The following CAP2 variants were observed in gnomAD, a reference collection of about 807,000 sequenced individuals.
CAP2 encodes adenylyl cyclase-associated protein 2.
In CAP2, 24 loss-of-function variants were observed where a neutral mutation model predicts 57.7. The observed-to-expected ratio is 0.42, with a 90% CI of 0.30 to 0.58. The LOEUF (loss-of-function observed/expected upper bound fraction) is 0.58, where lower values mean the gene tolerates loss of function less well. Ranked by LOEUF, CAP2 falls within the 20% of genes least tolerant of loss-of-function variation. CAP2 has a pLI of 0.22. For missense variants in CAP2, 501 were observed against 590.3 expected, an observed-to-expected ratio of 0.85 and a Z score of 1.57; for synonymous variants, 194 against 207.2, an observed-to-expected ratio of 0.94 and a Z score of 0.55.
chr6:17,445,754 G>C (rs1561786434), intron 3 of CAP2, among the ~76,000 whole-genome samples: 1 of 152,130 alleles, frequency 6.6e-6, no homozygotes, highest in Non-Finnish European at 1.5e-5. Context: ...TCTCCCCAAA[G>C]CTCATTTGTA....
intron 4 of CAP2, among the ~76,000 whole-genome samples, chr6:17,494,702 G>T (rs1761623082): frequency 6.6e-6 from 1 of 152,072 alleles, no homozygotes; most frequent in Non-Finnish European, 1.5e-5. Flanking sequence ...AATTTTATGT[G>T]TCGACTTGGC....
At chr6:17,483,293 G>A (rs1448799275) in intron 4 of CAP2, among the ~76,000 whole-genome samples, 2 of 152,150 alleles carry the variant, frequency 1.3e-5, no homozygotes, top group Non-Finnish European at 2.9e-5. Context: ...TCCCAAAAGT[G>A]CAGGGTACAT....
At chr6:17,399,003 T>C (rs1758741850) in intron 1 of CAP2, among the ~76,000 whole-genome samples, 1 of 152,190 alleles carries the variant, frequency 6.6e-6, no homozygotes, top group Non-Finnish European at 1.5e-5. Flanking sequence ...CCATTCTACT[T>C]TCTGTCCCTG....
At chr6:17,510,620 G>A (rs1762121080) in intron 6 of CAP2, among the ~76,000 whole-genome samples, 2 of 152,224 alleles carry the variant, frequency 1.3e-5, no homozygotes, top group South Asian at 4.1e-4. Context: ...GAACTGTGCG[G>A]CACGCATGAG....
chr6:17,440,285 T>G (rs1211258936), intron 3 of CAP2, among the ~76,000 whole-genome samples: 1 of 151,542 alleles, frequency 6.6e-6, no homozygotes, highest in African/African-American at 2.4e-5. Flanking sequence ...GTAAATGGGC[T>G]AATTTTGTCT....
chr6:17,503,207 TC>T (rs1002827332), intron 4 of CAP2, among the ~76,000 whole-genome samples: 6 of 152,090 alleles, frequency 3.9e-5, no homozygotes, highest in African/African-American at 1.4e-4. Context: ...CAACAGAAAT[TC>T]CTCACAGTTC....
chr6:17,426,746 T>C, intron 3 of CAP2, 56 bp downstream of exon 3: 1 of 1,144,174 alleles, frequency 8.7e-7, no homozygotes, highest in Non-Finnish European at 1.3e-6. Context: ...CAGCCCAGCC[T>C]CTGACAACGC....
chr6:17,408,660 C>CTTTTT (rs35571407), intron 1 of CAP2, among the ~76,000 whole-genome samples: 6 of 120,440 alleles, frequency 5.0e-5, no homozygotes, highest in Admixed American at 1.8e-4. Context: ...TGATAGCCTC[C>CTTTTT]TTTTTTTTTT....
intron 1 of CAP2, among the ~76,000 whole-genome samples, chr6:17,405,518 C>T (rs1758939180): frequency 6.6e-6 from 1 of 151,806 alleles, no homozygotes; most frequent in Admixed American, 6.6e-5. Flanking sequence ...CTCTCTCTCT[C>T]TCTCTCTCTC....
intron 3 of CAP2, among the ~76,000 whole-genome samples, chr6:17,440,603 A>G (rs554411077): frequency 9.0e-6 from 1 of 111,678 alleles, no homozygotes; most frequent in African/African-American, 3.9e-5. Flanking sequence ...GGCTGAAAAC[A>G]AACTGTGTGT....
chr6:17,407,563 G>T lies in CAP2; in HGVS notation c.-2+13817G>T, dbSNP rs151173385. Among the ~76,000 whole-genome samples, 914 of 151,624 alleles carry T rather than the reference G, an allele frequency of 6.0e-3. 8 individuals carry two copies. The highest frequency in any genetic ancestry group is 0.021 in the African/African-American group (853 of 41,340). On this transcript the variant is annotated intron_variant, in intron 1 of 12. Transcript: ENST00000229922. ...AGGCCAAGGCAGGTGGATCACTTGA[G>T]GTCAGGAGTTCAAGACCAACCTGGC...
intron 3 of CAP2, among the ~76,000 whole-genome samples, chr6:17,447,400 A>AT (rs1252905824): frequency 1.3e-4 from 20 of 152,238 alleles, no homozygotes; most frequent in African/African-American, 4.8e-4. Context: ...AAGAGAGGCA[A>AT]TTTTTTAAAA....
chr6:17,455,681 G>A (rs953050891), intron 3 of CAP2, among the ~76,000 whole-genome samples: 3 of 151,970 alleles, frequency 2.0e-5, no homozygotes, highest in African/African-American at 2.4e-5. Flanking sequence ...GACTACAGGC[G>A]CCCACCACCA....
intron 4 of CAP2, among the ~76,000 whole-genome samples, chr6:17,474,884 T>C (rs1486731799): frequency 2.6e-5 from 4 of 152,072 alleles, no homozygotes; most frequent in Non-Finnish European, 5.9e-5. Context: ...TCCGAGTCAC[T>C]TGTTTTGTTT....
At chr6:17,435,874 T>C (rs902646653) in intron 3 of CAP2, among the ~76,000 whole-genome samples, 2 of 152,112 alleles carry the variant, frequency 1.3e-5, no homozygotes, top group East Asian at 1.9e-4. Flanking sequence ...GACATTGGGT[T>C]GTTTCTAATC....
chr6:17,487,275 A>G (rs9477456), intron 4 of CAP2, among the ~76,000 whole-genome samples: 27,334 of 151,928 alleles, frequency 0.18, 8,034 homozygotes, highest in African/African-American at 0.62. Context: ...CCCAATTGGT[A>G]TCTGCTCTGA....
chr6:17,430,479 A>C (rs1314332902), intron 3 of CAP2, among the ~76,000 whole-genome samples: 1 of 152,104 alleles, frequency 6.6e-6, no homozygotes, highest in African/African-American at 2.4e-5. Context: ...AACTGGGCCT[A>C]TATAATACCT....
chr6:17,493,303 T>C (rs1441647749), intron 4 of CAP2: 8 of 245,898 alleles, frequency 3.3e-5, no homozygotes, highest in Admixed American at 8.5e-5. Flanking sequence ...ACTTAAATAG[T>C]GCACCTCTCT....
At chr6:17,406,478 C>G (rs2113510146) in intron 1 of CAP2, among the ~76,000 whole-genome samples, 2 of 148,736 alleles carry the variant, frequency 1.3e-5, no homozygotes, top group African/African-American at 5.0e-5. Context: ...ACTGCAACCT[C>G]CGCCTCCTGG....
Sources: allele counts gnomAD v4.1 joint callset (sites outside exome capture counted in the v4.1 genomes callset), GRCh38; gene constraint gnomAD v4.1.1; transcripts MANE v1.5; gene names NCBI Gene and HGNC (gene_info 2026-07-23, HGNC 2026-07-21).